Variants in IL1RAPL1 observed in about 807,000 individuals in gnomAD.
IL1RAPL1 encodes the protein interleukin-1 receptor accessory protein-like 1.
IL1RAPL1 carries 3 observed loss-of-function variants against 48.4 expected under a neutral mutation model. The observed-to-expected ratio is 0.06, with a 90% confidence interval of 0.03 to 0.16. IL1RAPL1 has a LOEUF of 0.16. IL1RAPL1 is among the 10% of genes least tolerant of loss of function. The probability of loss-of-function intolerance (pLI) is 1.00; values close to 1 mark genes in which losing one functional copy is unlikely to be tolerated. For synonymous variants in IL1RAPL1, 185 were observed against 187.7 expected, an observed-to-expected ratio of 0.99 and a Z score of 0.12; for missense variants, 349 against 530.6, an observed-to-expected ratio of 0.66 and a Z score of 3.36.
chrX:29,147,991 G>A (rs771109243), intron 2 of IL1RAPL1, among the ~76,000 whole-genome samples: 3 of 111,451 alleles, frequency 2.7e-5, no homozygotes, highest in African/African-American at 9.8e-5. Context: ...TTTTTATAAT[G>A]CTATTCAATT....
chrX:29,899,597 G>A (rs1316778602), intron 6 of IL1RAPL1, among the ~76,000 whole-genome samples: 6 of 106,877 alleles, frequency 5.6e-5, no homozygotes, highest in Non-Finnish European at 1.2e-4. Context: ...AGGCTGGAGT[G>A]CAGTGGCGCG....
intron 5 of IL1RAPL1, among the ~76,000 whole-genome samples, chrX:29,533,226 T>C (rs1299585095): frequency 1.8e-5 from 2 of 111,930 alleles, no homozygotes; most frequent in Non-Finnish European, 1.9e-5. Flanking sequence ...GTTTTCATCA[T>C]TACAAAAAGA....
At chrX:29,732,306 TCTAA>T (rs777727191) in intron 6 of IL1RAPL1, among the ~76,000 whole-genome samples, 4 of 111,776 alleles carry the variant, frequency 3.6e-5, no homozygotes, top group African/African-American at 9.8e-5. Context: ...CCCCCGCACT[TCTAA>T]CTGTTACGAT....
chrX:29,170,762 T>C (rs757586141), intron 2 of IL1RAPL1, among the ~76,000 whole-genome samples: 2 of 111,808 alleles, frequency 1.8e-5, no homozygotes, highest in African/African-American at 6.5e-5. Flanking sequence ...TAATAACTTT[T>C]GGTGTTAGAA....
At chrX:29,024,177 T>G (rs1602016743) in intron 2 of IL1RAPL1, among the ~76,000 whole-genome samples, 1 of 111,684 alleles carries the variant, frequency 9.0e-6, no homozygotes, top group Non-Finnish European at 1.9e-5. Context: ...AGATGAAAAA[T>G]CTCAGCTATT....
intron 5 of IL1RAPL1, among the ~76,000 whole-genome samples, chrX:29,494,538 T>C (rs1935193675): frequency 8.9e-6 from 1 of 112,158 alleles, no homozygotes; most frequent in African/African-American, 3.2e-5. Flanking sequence ...GGTAGCTTGA[T>C]ATACCATTAA....
chrX:29,300,322 T>A (rs1441204481), intron 3 of IL1RAPL1, among the ~76,000 whole-genome samples: 7 of 111,403 alleles, frequency 6.3e-5, no homozygotes, highest in Non-Finnish European at 1.3e-4. Flanking sequence ...GCCCAGCACA[T>A]GTTGGAGTGT....
chrX:29,150,937 G>A (rs867727442), intron 2 of IL1RAPL1, among the ~76,000 whole-genome samples: 4 of 101,130 alleles, frequency 4.0e-5, no homozygotes, highest in South Asian at 9.1e-4. Flanking sequence ...AAAAAAAAAA[G>A]AAAAAAAAAG....
intron 6 of IL1RAPL1, among the ~76,000 whole-genome samples, chrX:29,785,618 C>T (rs144957118): frequency 0.011 from 1,195 of 112,043 alleles, 10 homozygotes; most frequent in African/African-American, 0.037. Flanking sequence ...AGTGAATATT[C>T]ATGGCAGCTA....
chrX:28,799,972 G>A (rs1936654975), intron 2 of IL1RAPL1, among the ~76,000 whole-genome samples: 1 of 111,335 alleles, frequency 9.0e-6, no homozygotes, highest in African/African-American at 3.3e-5. Context: ...AGTTTCCTGT[G>A]GCTTCTGTAA....
At chrX:29,388,189 A>C (rs1310884718) in intron 3 of IL1RAPL1, among the ~76,000 whole-genome samples, 1 of 103,231 alleles carries the variant, frequency 9.7e-6, no homozygotes, top group Non-Finnish European at 2.0e-5. Context: ...TAATATATTG[A>C]GAGTACCTCC....
intron 2 of IL1RAPL1, among the ~76,000 whole-genome samples, chrX:28,912,922 A>C (rs759276462): frequency 8.9e-6 from 1 of 111,871 alleles, no homozygotes; most frequent in African/African-American, 3.2e-5. Flanking sequence ...TGTTTCCATT[A>C]AAAAGGTTTT....
chrX:29,417,102 G>GA (rs1373537966), intron 5 of IL1RAPL1, among the ~76,000 whole-genome samples: 2 of 111,658 alleles, frequency 1.8e-5, no homozygotes, highest in Admixed American at 1.9e-4. Context: ...CTTACACTAT[G>GA]AAAAGGTCCA....
intron 2 of IL1RAPL1, among the ~76,000 whole-genome samples, chrX:29,269,372 G>A (rs1932004662): frequency 9.0e-6 from 1 of 111,248 alleles, no homozygotes; most frequent in Non-Finnish European, 1.9e-5. Context: ...CAACTGGCCA[G>A]TACAGCTTTT....
chrX:29,863,644 A>G (rs961230806), intron 6 of IL1RAPL1, among the ~76,000 whole-genome samples: 2 of 112,089 alleles, frequency 1.8e-5, no homozygotes, highest in African/African-American at 6.5e-5. Context: ...TAAAAAAGAT[A>G]CTTTTCCAGA....
intron 5 of IL1RAPL1, among the ~76,000 whole-genome samples, chrX:29,506,422 T>TCC (rs1935327808): frequency 1.5e-5 from 1 of 68,670 alleles, no homozygotes; most frequent in African/African-American, 5.4e-5. Context: ...TCTCTTCTTC[T>TCC]TCTTCTCCTT....
At chrX:29,248,736 G>A (rs1374470800) in intron 2 of IL1RAPL1, among the ~76,000 whole-genome samples, 1 of 112,022 alleles carries the variant, frequency 8.9e-6, no homozygotes, top group Admixed American at 9.5e-5. Flanking sequence ...CTAAATTCAG[G>A]CAAGTCAGCA....
chrX:29,231,117 G>A (rs1931195192), intron 2 of IL1RAPL1, among the ~76,000 whole-genome samples: 1 of 112,051 alleles, frequency 8.9e-6, no homozygotes, highest in Admixed American at 9.5e-5. Flanking sequence ...TTTGCAGATA[G>A]GATGGTTGAG....
chrX:28,917,633 C>A (rs1355350386), intron 2 of IL1RAPL1, among the ~76,000 whole-genome samples: 2 of 112,000 alleles, frequency 1.8e-5, no homozygotes, highest in African/African-American at 6.5e-5. Flanking sequence ...AATACCTGTT[C>A]TTCCAACCCC....
Sources: gnomAD v4.1 joint callset for allele counts (sites outside exome capture counted in the v4.1 genomes callset) on GRCh38, gnomAD v4.1.1 for gene constraint, MANE v1.5 for transcripts, NCBI Gene and HGNC (gene_info 2026-07-23, HGNC 2026-07-21) for gene names.